Variants in RCAN3 observed in about 807,000 individuals in gnomAD.
The protein encoded by RCAN3 is regulator of calcineurin 3.
Under a neutral mutation model 21.9 loss-of-function variants are expected in RCAN3, and 19 were observed. That is an observed-to-expected ratio of 0.87 (90% CI 0.61 to 1.27). The LOEUF (loss-of-function observed/expected upper bound fraction) is 1.27, where lower values mean the gene tolerates loss of function less well. Ranked by LOEUF, RCAN3 falls within the 50% of genes most tolerant of loss-of-function variation. RCAN3 has a pLI of 0.00. For synonymous variants in RCAN3, 114 were observed against 112.3 expected (o/e 1.01, Z -0.09); for missense variants, 240 against 300.1 (o/e 0.80, Z 1.48).
intron 2 of RCAN3, among the ~76,000 whole-genome samples, chr1:24,526,891 T>C (rs1004986322): frequency 6.6e-6 from 1 of 152,214 alleles, no homozygotes; most frequent in Non-Finnish European, 1.5e-5. Context: ...ACCTTTGAAA[T>C]GGATGCTAAA....
Position 24,502,995 on chromosome 1 carries a change from G to GCCGCCCA in RCAN3, c.-212_-206dup, listed in dbSNP as rs1323617216. Reference sequence around the variant, plus strand: ...CCCGGCTCTGCCTTCGGCCCCGCCCGCCGCCCACCAGGCTCCCAGAGGCCC... The same window carrying GCCGCCCA: ...CCCGGCTCTGCCTTCGGCCCCGCCCGCCGCCCACCGCCCACCAGGCTCCCAGAGGCCC... On this transcript the variant is annotated 5_prime_UTR_variant, in exon 1 of 5. Coordinates refer to ENST00000374395, the MANE Select transcript of RCAN3 (RefSeq NM_013441.4). The GCCGCCCA allele has an allele frequency of 6.7e-6, 1 of 149,546 alleles. No individual in the cohort carries two copies. Among genetic ancestry groups the GCCGCCCA allele is most frequent in the Non-Finnish European group, 1.5e-5 (1 of 67,064 alleles). 9.3% of individuals were successfully genotyped at this position (149,546 alleles called of 1,614,324 possible). A position where few individuals can be genotyped will look rare whatever the true frequency, so the allele number is the denominator to read the frequency against.
chr1:24,521,310 G>T (rs1161875364), intron 2 of RCAN3, among the ~76,000 whole-genome samples: 1 of 152,124 alleles, frequency 6.6e-6, no homozygotes, highest in Non-Finnish European at 1.5e-5. Context: ...AATTAGAATG[G>T]ATCAAGCTAC....
intron 1 of RCAN3, among the ~76,000 whole-genome samples, chr1:24,505,225 C>CTTTT (rs1351108344): frequency 6.4e-5 from 7 of 109,564 alleles, no homozygotes; most frequent in Non-Finnish European, 1.1e-4. Context: ...TTTTTTTTCT[C>CTTTT]TTTTTTCTTT....
At chr1:24,515,006 T>A (rs1256598673) in intron 2 of RCAN3, among the ~76,000 whole-genome samples, 2 of 151,896 alleles carry the variant, frequency 1.3e-5, no homozygotes, top group East Asian at 3.9e-4. Flanking sequence ...CACTTTTAGA[T>A]GTTGCCGCAG....
intron 1 of RCAN3, among the ~76,000 whole-genome samples, chr1:24,511,031 T>C (rs1301813312): frequency 1.3e-5 from 2 of 152,128 alleles, no homozygotes; most frequent in African/African-American, 2.4e-5. Context: ...AGAACACCCA[T>C]GGCCGGGCGT....
intron 2 of RCAN3, among the ~76,000 whole-genome samples, chr1:24,521,905 G>T (rs561622188): frequency 9.1e-6 from 1 of 109,448 alleles, no homozygotes; most frequent in Non-Finnish European, 2.0e-5. Context: ...TTGGTTGCTG[G>T]GGGGGGTGGG....
intron 2 of RCAN3, among the ~76,000 whole-genome samples, chr1:24,519,142 T>C (rs1298895172): frequency 6.6e-6 from 1 of 152,008 alleles, no homozygotes; most frequent in East Asian, 1.9e-4. Flanking sequence ...AACTCTCGAC[T>C]TCAAGTGATC....
intron 4 of RCAN3, among the ~76,000 whole-genome samples, chr1:24,533,673 G>A (rs772810043): frequency 3.9e-5 from 6 of 152,124 alleles, no homozygotes; most frequent in South Asian, 4.1e-4. Flanking sequence ...GGTGGCGTAC[G>A]CCTATAGTCC....
chr1:24,515,427 G>GTGTGT (rs1648228213), intron 2 of RCAN3, among the ~76,000 whole-genome samples: 2 of 146,380 alleles, frequency 1.4e-5, no homozygotes, highest in African/African-American at 5.1e-5. Context: ...TAGAAAGAGA[G>GTGTGT]GTGTGTGTGT....
Position 24,503,018 on chromosome 1 carries a change from C to G in RCAN3, c.-192C>G, listed in dbSNP as rs1647205906. 1 of 149,580 alleles carries G rather than the reference C, an allele frequency of 6.7e-6. No individual in the cohort carries two copies. The highest frequency in any genetic ancestry group is 2.4e-5 in the African/African-American group (1 of 41,086). 9.3% of individuals were successfully genotyped at this position (149,580 alleles called of 1,614,324 possible). On this transcript the variant is annotated 5_prime_UTR_variant, in exon 1 of 5. Coordinates refer to ENST00000374395, the MANE Select transcript of RCAN3 (RefSeq NM_013441.4). ...CCGCCGCCCACCAGGCTCCCAGAGG[C>G]CCCGCAGCTCGCGCCGTCCGGCTCC...
chr1:24,539,549 A>C lies in RCAN3; in HGVS notation c.*4272A>C, dbSNP rs1389123135. The C allele has an allele frequency of 1.3e-5, 2 of 152,220 alleles. No individual in the cohort carries two copies. The highest frequency in any genetic ancestry group is 6.5e-5 in the Admixed American group (1 of 15,280). 9.4% of individuals were successfully genotyped at this position (152,220 alleles called of 1,614,324 possible). On this transcript the variant is annotated 3_prime_UTR_variant, in exon 5 of 5. Coordinates refer to ENST00000374395, the MANE Select transcript of RCAN3 (RefSeq NM_013441.4). ...GAATGAGATCTAATATGTTGTGGAAATAAAAGAGTTTGCAGTGGAATGATA... is the reference window on the plus strand; with the variant it reads ...GAATGAGATCTAATATGTTGTGGAACTAAAAGAGTTTGCAGTGGAATGATA...
At position 24,537,072 on chromosome 1, in the gene RCAN3, G is replaced by C. The variant is rs1270657789; in HGVS notation, c.*1795G>C. 6.6e-6 allele frequency: 1 copy of C among 152,076 alleles called. No homozygotes were observed. The highest frequency in any genetic ancestry group is 1.5e-5 in the Non-Finnish European group (1 of 68,014). 9.4% of individuals were successfully genotyped at this position (152,076 alleles called of 1,614,324 possible). On this transcript the variant is annotated 3_prime_UTR_variant, in exon 5 of 5. Transcript: ENST00000374395. The stretch of plus-strand genomic sequence containing the variant: ...ATGGACCCTGTATGCCAGGAGACAT[G>C]TATTATCAACAATTGGGAATTTTTT...
intron 1 of RCAN3, among the ~76,000 whole-genome samples, chr1:24,506,077 G>C (rs769913484): frequency 6.6e-6 from 1 of 152,108 alleles, no homozygotes; most frequent in South Asian, 2.1e-4. Context: ...TGGAGATGAC[G>C]GGAAACCTGG....
At chr1:24,515,561 G>T in intron 2 of RCAN3, among the ~76,000 whole-genome samples, 1 of 151,876 alleles carries the variant, frequency 6.6e-6, no homozygotes. Flanking sequence ...TGTCTTCCTT[G>T]TTCTGAGCTT....
chr1:24,520,440 T>C (rs1365220461), intron 2 of RCAN3, among the ~76,000 whole-genome samples: 9 of 152,178 alleles, frequency 5.9e-5, no homozygotes, highest in Admixed American at 5.2e-4. Context: ...TCCGTATCTA[T>C]GGACTGGAAA....
At chr1:24,532,142 A>G (rs1296543459) in intron 3 of RCAN3, among the ~76,000 whole-genome samples, 1 of 152,160 alleles carries the variant, frequency 6.6e-6, no homozygotes, top group Non-Finnish European at 1.5e-5. Context: ...ATAAGTCCAT[A>G]TAACCTAATG....
At position 24,535,354 on chromosome 1, in the gene RCAN3, G is replaced by A. The variant is rs1380237458; in HGVS notation, c.*77G>A. 2.1e-6 allele frequency: 3 copies of A among 1,448,712 alleles called. No homozygotes were observed. In the African/African-American group the frequency reaches 4.4e-5, roughly 21 times the overall value. The allele number at this position is 1,448,712 out of a possible 1,614,324, so 89.7% of individuals were successfully genotyped here. A position where few individuals can be genotyped will look rare whatever the true frequency, so the allele number is the denominator to read the frequency against. ...GCTCTGTGCCTGCGGCCGATGCGTT[G>A]CTGCGAACAGCATAGGTGAGACTCT... On this transcript the variant is annotated 3_prime_UTR_variant, in exon 5 of 5. Transcript: ENST00000374395.
Position 24,514,337 on chromosome 1 carries a change from G to A in RCAN3, c.-36G>A, listed in dbSNP as rs556625481. On this transcript the variant is annotated 5_prime_UTR_variant, in exon 2 of 5. Transcript: ENST00000374395. ...AGTGGGTGCCTGATAGACATCCTAG[G>A]ACTATACAGAAGGAAAAGGCCCACT... 1 of 1,581,776 alleles carries A rather than the reference G, an allele frequency of 6.3e-7. No individual in the cohort carries two copies. The highest frequency in any genetic ancestry group is 1.4e-5 in the African/African-American group (1 of 73,954).
At chr1:24,503,876 C>T (rs1647257614) in intron 1 of RCAN3, among the ~76,000 whole-genome samples, 1 of 152,228 alleles carries the variant, frequency 6.6e-6, no homozygotes, top group Non-Finnish European at 1.5e-5. Context: ...ATAGAAGTCT[C>T]TGATGTACTA....
Sources: allele counts gnomAD v4.1 joint callset (sites outside exome capture counted in the v4.1 genomes callset), GRCh38; gene constraint gnomAD v4.1.1; transcripts MANE v1.5; gene names NCBI Gene and HGNC (gene_info 2026-07-23, HGNC 2026-07-21).